EEFSEC: variants seen among roughly 807,000 people sequenced by gnomAD.
EEFSEC encodes selenocysteine-specific elongation factor.
A neutral mutation model predicts 42.1 loss-of-function variants in EEFSEC; 43 were observed. The observed-to-expected ratio is 1.02, with a 90% CI of 0.80 to 1.32. The LOEUF is 1.32. Among genes scored for constraint, EEFSEC ranks in the 40% most tolerant of loss-of-function variants. The pLI, the probability that EEFSEC is intolerant of heterozygous loss-of-function variation, is 0.00. For synonymous variants in EEFSEC, 354 were observed against 339.1 expected (o/e 1.04, Z -0.48); for missense variants, 745 against 803.6 (o/e 0.93, Z 0.88).
In EEFSEC at chr3:128,273,613, T is replaced by C. The variant is rs946867188; in HGVS notation, c.786+8832T>C. ...AGAAGCGGATGACTGGCTGGAGTCC[T>C]GACCTGCAGTCAGCTGTCCAGGCAG... On this transcript the variant is annotated intron_variant, in intron 4 of 6. Transcript: ENST00000254730. Among the ~76,000 whole-genome samples the C allele has an allele frequency of 2.0e-5, 3 of 152,256 alleles. No individual in the cohort carries two copies. The East Asian group carries it at 5.8e-4, about 29-fold the overall frequency.
At chr3:128,364,816 C>G (rs1735542) in intron 6 of EEFSEC, among the ~76,000 whole-genome samples, 1 of 152,236 alleles carries the variant, frequency 6.6e-6, no homozygotes, top group Non-Finnish European at 1.5e-5. Flanking sequence ...GCCATTTAGT[C>G]TAGCCCTCCA....
chr3:128,408,002 C>T (rs531979776), intron 6 of EEFSEC, 67 bp from the exon 7 acceptor site: 14 of 1,426,216 alleles, frequency 9.8e-6, no homozygotes, highest in South Asian at 2.8e-5. Context: ...GCAGCAGGTG[C>T]GCGGGCAGGG....
intron 2 of EEFSEC, among the ~76,000 whole-genome samples, chr3:128,260,532 T>C (rs1209648907): frequency 6.6e-6 from 1 of 152,094 alleles, no homozygotes; most frequent in Non-Finnish European, 1.5e-5. Flanking sequence ...CCAAGGCAGG[T>C]CAAATAAATA....
At position 128,341,538 on chromosome 3, in the gene EEFSEC, G is replaced by T. The variant is rs777666227; in HGVS notation, c.1092G>T (p.Leu364=). ...APDNFDQEPI[L]DSFNFSQEYL... Reference sequence around the variant, plus strand: ...ATAACTTTGACCAGGAGCCTATACTGGACTCTTTCAACTTCTCTCAAGAAT... The same window carrying T: ...ATAACTTTGACCAGGAGCCTATACTTGACTCTTTCAACTTCTCTCAAGAAT... Residue 364 remains leucine (L), a synonymous_variant, in exon 5 of 7, where the codon CTG becomes CTT. Transcript: ENST00000254730. 4.3e-6 allele frequency: 7 copies of T among 1,614,062 alleles called. No homozygotes were observed. The East Asian group carries it at 1.6e-4, about 36-fold the overall frequency.
At chr3:128,331,321 A>G (rs1298685515) in intron 4 of EEFSEC, among the ~76,000 whole-genome samples, 37 of 15,888 alleles carry the variant, frequency 2.3e-3, no homozygotes, top group East Asian at 5.6e-3. Flanking sequence ...CCCTTCCTCA[A>G]TGCATCTCCC....
In EEFSEC at chr3:128,397,517, C is replaced by T. The variant is rs956212021; in HGVS notation, c.1601-10552C>T. ...ACTATGAGGGTGGCAATGGTAGCAG[C>T]AGAGGGGACCTCTGGCCAAGCCGCA... On this transcript the variant is annotated intron_variant, in intron 6 of 6. Transcript: ENST00000254730. Among the ~76,000 whole-genome samples, 3 of 152,354 alleles carry T rather than the reference C, an allele frequency of 2.0e-5. No homozygotes were observed. In the South Asian group the frequency reaches 6.2e-4, roughly 32 times the overall value.
intron 5 of EEFSEC, among the ~76,000 whole-genome samples, chr3:128,343,582 G>A (rs570414529): frequency 4.6e-5 from 7 of 152,286 alleles, no homozygotes; most frequent in Admixed American, 2.0e-4. Context: ...AGCAGTGTTT[G>A]GAGTATAATT....
At chr3:128,226,429 G>A (rs898506580) in intron 1 of EEFSEC, among the ~76,000 whole-genome samples, 6 of 152,118 alleles carry the variant, frequency 3.9e-5, no homozygotes, top group African/African-American at 9.7e-5. Context: ...TGGTCATTCC[G>A]TCCTTTTCTA....
intron 4 of EEFSEC, among the ~76,000 whole-genome samples, chr3:128,324,180 T>A (rs1463612107): frequency 1.3e-5 from 2 of 152,066 alleles, no homozygotes; most frequent in Admixed American, 6.5e-5. Flanking sequence ...GCAGTTGAGT[T>A]TTCTACAGTG....
intron 1 of EEFSEC, among the ~76,000 whole-genome samples, chr3:128,217,344 T>G (rs1312334790): frequency 5.3e-5 from 8 of 152,082 alleles, no homozygotes; most frequent in Non-Finnish European, 1.2e-4. Flanking sequence ...CCTGGTTCAG[T>G]GTCACCCAAG....
intron 1 of EEFSEC, among the ~76,000 whole-genome samples, chr3:128,213,712 C>T (rs542961714): frequency 6.6e-6 from 1 of 151,872 alleles, no homozygotes; most frequent in Admixed American, 6.5e-5. Context: ...TTTAAACTCA[C>T]ATACTTACTT....
intron 4 of EEFSEC, among the ~76,000 whole-genome samples, chr3:128,331,865 C>G (rs760594781): frequency 3.3e-5 from 5 of 152,066 alleles, no homozygotes; most frequent in African/African-American, 4.8e-5. Context: ...CGTAACCACC[C>G]ACTTTAGAGA....
intron 1 of EEFSEC, among the ~76,000 whole-genome samples, chr3:128,189,014 G>A (rs926975664): frequency 5.3e-5 from 8 of 152,150 alleles, no homozygotes; most frequent in African/African-American, 1.9e-4. Flanking sequence ...GCCCAGCCTC[G>A]GTGCCCAGTA....
At chr3:128,293,660 C>CAAAAAAA (rs759485696) in intron 4 of EEFSEC, among the ~76,000 whole-genome samples, 142 of 14,056 alleles carry the variant, frequency 0.01, 7 homozygotes, top group African/African-American at 0.015. Context: ...GACTCTATCT[C>CAAAAAAA]AAAAAAAAAA....
At chr3:128,172,873 G>C (rs1252713229) in intron 1 of EEFSEC, among the ~76,000 whole-genome samples, 4 of 152,302 alleles carry the variant, frequency 2.6e-5, no homozygotes, top group African/African-American at 9.6e-5. Flanking sequence ...AGAAAAGCTG[G>C]GTTCCGAGGC....
chr3:128,417,206 TTC>T, the EEFSEC span, among the ~76,000 whole-genome samples: 123 of 152,184 alleles, frequency 8.1e-4, 1 homozygote, highest in African/African-American at 2.8e-3. This position sits in a 1 kb window ranked among gnomAD's most constrained non-coding sequence, Gnocchi z 4.3. Flanking sequence ...AGGGCCCCTC[TTC>T]TCTGTTGTAA....
intron 4 of EEFSEC, among the ~76,000 whole-genome samples, chr3:128,312,352 C>T (rs2108021794): frequency 6.6e-6 from 1 of 152,360 alleles, no homozygotes; most frequent in Non-Finnish European, 1.5e-5. Flanking sequence ...GCCCCAAGCA[C>T]CTGGACCTAG....
At chr3:128,219,765 T>G (rs2065844386) in intron 1 of EEFSEC, among the ~76,000 whole-genome samples, 1 of 147,130 alleles carries the variant, frequency 6.8e-6, no homozygotes, top group Admixed American at 6.8e-5. Context: ...TGGCATGTAA[T>G]AGACACTAGA....
intron 4 of EEFSEC, among the ~76,000 whole-genome samples, chr3:128,338,369 C>T (rs771816840): frequency 7.2e-5 from 11 of 151,968 alleles, no homozygotes; most frequent in Non-Finnish European, 1.5e-4. Flanking sequence ...AGTTCAGGGG[C>T]GGAAAGGGCA....
Sources: allele counts gnomAD v4.1 joint callset (sites outside exome capture counted in the v4.1 genomes callset), GRCh38; gene constraint gnomAD v4.1.1; non-coding constraint Gnocchi (gnomAD v3.1); transcripts MANE v1.5; gene names NCBI Gene and HGNC (gene_info 2026-07-23, HGNC 2026-07-21).